KSR2: variants seen among roughly 807,000 people sequenced by gnomAD.
The protein encoded by KSR2 is kinase suppressor of ras 2.
In KSR2, 25 loss-of-function variants were observed where a neutral mutation model predicts 107.8. That is an observed-to-expected ratio of 0.23 (90% confidence interval 0.17 to 0.32). KSR2 has a LOEUF of 0.32. Ranked by LOEUF, KSR2 falls within the 10% of genes least tolerant of loss-of-function variation. The pLI is 1.00. For synonymous variants in KSR2, 480 were observed against 507.0 expected (o/e 0.95, Z 0.71); for missense variants, 887 against 1,268.9 (o/e 0.70, Z 4.57).
chr12:117,926,715 C>A (rs2137480101), intron 1 of KSR2, among the ~76,000 whole-genome samples: 1 of 152,340 alleles, frequency 6.6e-6, no homozygotes, highest in Middle Eastern at 3.4e-3. Flanking sequence ...CCTTCACCAC[C>A]CACCTCTGTC....
In KSR2 at chr12:117,800,899, C is replaced by T. The variant is rs570124861; in HGVS notation, c.473-39375G>A. 2.0e-5 allele frequency among the ~76,000 whole-genome samples: 3 copies of T among 152,216 alleles called. No homozygotes were observed. The South Asian group carries it at 6.2e-4, about 32-fold the overall frequency. Reference sequence around the variant, plus strand: ...GTTTGCTGAGCATGATGGTTTCTAGCTTTATCCATGTCCCTGCAAAGGACA... The same window carrying T: ...GTTTGCTGAGCATGATGGTTTCTAGTTTTATCCATGTCCCTGCAAAGGACA... On this transcript the variant is annotated intron_variant, in intron 3 of 19. Coordinates refer to ENST00000339824, the MANE Select transcript of KSR2 (RefSeq NM_173598.6).
chr12:117,504,506 C>T (rs1873559227), intron 14 of KSR2, among the ~76,000 whole-genome samples: 1 of 152,154 alleles, frequency 6.6e-6, no homozygotes, highest in African/African-American at 2.4e-5. Flanking sequence ...GTAACCTTGT[C>T]CTCTCAGGCC....
chr12:117,837,231 G>A (rs185560895), intron 3 of KSR2, among the ~76,000 whole-genome samples: 1 of 152,268 alleles, frequency 6.6e-6, no homozygotes, highest in Non-Finnish European at 1.5e-5. Flanking sequence ...ACAGAATTAA[G>A]CCAGCATTAG....
At chr12:117,471,823 A>T (rs558087429) in intron 17 of KSR2, among the ~76,000 whole-genome samples, 67 of 152,096 alleles carry the variant, frequency 4.4e-4, no homozygotes, top group African/African-American at 1.3e-3. Flanking sequence ...AACCTTAGGT[A>T]AAAAAAAGCA....
intron 5 of KSR2, 65 bp from the exon 6 acceptor site, chr12:117,582,424 C>A: frequency 7.8e-7 from 1 of 1,275,550 alleles, no homozygotes; most frequent in Non-Finnish European, 1.1e-6. Flanking sequence ...TCTGGCAAGG[C>A]CTGGAAGGAA....
intron 3 of KSR2, among the ~76,000 whole-genome samples, chr12:117,821,469 TA>T (rs1365596934): frequency 2.2e-4 from 33 of 152,232 alleles, no homozygotes; most frequent in African/African-American, 8.0e-4. Flanking sequence ...TTCTTTTCTC[TA>T]CCGTACTTTA....
chr12:117,673,569 G>A (rs546453193), intron 4 of KSR2, among the ~76,000 whole-genome samples: 2 of 152,136 alleles, frequency 1.3e-5, no homozygotes, highest in African/African-American at 4.8e-5. Context: ...ATGGCTATTT[G>A]ATTAGAGTAG....
intron 1 of KSR2, among the ~76,000 whole-genome samples, chr12:117,964,132 C>T (rs1416766173): frequency 1.3e-5 from 2 of 152,050 alleles, no homozygotes; most frequent in Admixed American, 1.3e-4. Flanking sequence ...ACAAAAATTA[C>T]CAGGGCATGG....
Position 117,794,039 on chromosome 12 carries a change from C to T in KSR2, c.473-32515G>A, listed in dbSNP as rs562824728. The stretch of plus-strand genomic sequence containing the variant: ...GCACACTCACACCAACATGCACACA[C>T]CAACATGCACACTCGTACCAACATG... On this transcript the variant is annotated intron_variant, in intron 3 of 19. Coordinates refer to ENST00000339824, the MANE Select transcript of KSR2 (RefSeq NM_173598.6). 3.3e-3 allele frequency among the ~76,000 whole-genome samples: 351 copies of T among 105,298 alleles called. 23 individuals carry two copies. Among genetic ancestry groups the T allele is most frequent in the Non-Finnish European group, 4.8e-3 (249 of 52,342 alleles). 69.1% of individuals were successfully genotyped at this position (105,298 alleles called of 152,430 possible).
intron 3 of KSR2, among the ~76,000 whole-genome samples, chr12:117,783,364 G>T (rs76626717): frequency 6.6e-6 from 1 of 152,162 alleles, no homozygotes; most frequent in South Asian, 2.1e-4. Flanking sequence ...CAAGTAGCAC[G>T]ACAACAGCAA....
intron 3 of KSR2, among the ~76,000 whole-genome samples, chr12:117,844,480 G>A (rs567706222): frequency 0.012 from 213 of 17,366 alleles, no homozygotes; most frequent in African/African-American, 0.061. Flanking sequence ...CCTCTTCTGA[G>A]TATTTTTTTT....
chr12:117,567,437 C>T (rs1329702034), intron 7 of KSR2, among the ~76,000 whole-genome samples: 1 of 151,742 alleles, frequency 6.6e-6, no homozygotes, highest in Non-Finnish European at 1.5e-5. Flanking sequence ...AAACATGGCG[C>T]GCGGTCTCGT....
At position 117,968,056 on chromosome 12, in the gene KSR2, T is replaced by C. The variant is rs1227652746; in HGVS notation, c.180+20A>G. 3 of 775,302 alleles carry C rather than the reference T, an allele frequency of 3.9e-6. No homozygotes were observed. The highest frequency in any genetic ancestry group is 3.7e-4 in the Middle Eastern group (1 of 2,716). 48.0% of individuals were successfully genotyped at this position (775,302 alleles called of 1,614,324 possible). On this transcript the variant is annotated intron_variant, in intron 1 of 19. Coordinates refer to ENST00000339824, the MANE Select transcript of KSR2 (RefSeq NM_173598.6). ...TTTTTTTTTTTTTTTTTTTTTTTTT[T>C]TCCCGTAGGCAACACCTACCTCCAG...
chr12:117,908,517 A>G (rs1288506284), intron 1 of KSR2, among the ~76,000 whole-genome samples: 5 of 152,212 alleles, frequency 3.3e-5, no homozygotes, highest in Non-Finnish European at 7.3e-5. Context: ...AGATCGTTAC[A>G]TATCTCTGTG....
intron 4 of KSR2, among the ~76,000 whole-genome samples, chr12:117,707,163 T>G (rs549254667): frequency 2.3e-4 from 35 of 152,304 alleles, no homozygotes; most frequent in African/African-American, 8.2e-4. Context: ...TCCATTCATA[T>G]GTAATATTCA....
intron 4 of KSR2, among the ~76,000 whole-genome samples, chr12:117,692,909 G>A (rs2136580442): frequency 6.6e-6 from 1 of 152,262 alleles, no homozygotes; most frequent in Non-Finnish European, 1.5e-5. Flanking sequence ...TAGGGAATTG[G>A]GAGTAACTGC....
intron 7 of KSR2, among the ~76,000 whole-genome samples, chr12:117,561,815 A>G (rs1423933712): frequency 6.6e-6 from 1 of 152,188 alleles, no homozygotes; most frequent in Non-Finnish European, 1.5e-5. Flanking sequence ...ACTTATGGGA[A>G]AGGTCCCAGC....
chr12:117,561,980 T>C (rs946554088), intron 7 of KSR2, among the ~76,000 whole-genome samples: 5 of 152,126 alleles, frequency 3.3e-5, no homozygotes, highest in African/African-American at 9.7e-5. Context: ...TCTCTGTTTA[T>C]GGGGAGGGAT....
intron 14 of KSR2, among the ~76,000 whole-genome samples, chr12:117,508,668 G>A (rs1451487900): frequency 6.6e-6 from 1 of 152,020 alleles, no homozygotes; most frequent in African/African-American, 2.4e-5. Context: ...TAGGTGGACT[G>A]ACAGGATGAA....
Sources: allele counts gnomAD v4.1 joint callset (sites outside exome capture counted in the v4.1 genomes callset), GRCh38; gene constraint gnomAD v4.1.1; transcripts MANE v1.5; gene names NCBI Gene and HGNC (gene_info 2026-07-23, HGNC 2026-07-21).